The following FER variants were observed in gnomAD, a reference collection of about 807,000 sequenced individuals.
The protein encoded by FER is FER tyrosine kinase.
FER carries 63 observed loss-of-function variants against 111.0 expected under a neutral mutation model. That is an observed-to-expected ratio of 0.57 (90% CI 0.46 to 0.70). The LOEUF (loss-of-function observed/expected upper bound fraction) is 0.70. FER is among the 30% of genes least tolerant of loss of function. The pLI, the probability that FER is intolerant of heterozygous loss-of-function variation, is 0.00. For synonymous variants in FER, 327 were observed against 313.9 expected, an observed-to-expected ratio of 1.04 and a Z score of -0.44; for missense variants, 914 against 954.0, an observed-to-expected ratio of 0.96 and a Z score of 0.55.
chr5:108,901,016 A>G (rs539589214), intron 10 of FER, among the ~76,000 whole-genome samples: 2 of 152,132 alleles, frequency 1.3e-5, no homozygotes, highest in South Asian at 4.1e-4. Context: ...CTTCATCCTT[A>G]TGGATGTAAT....
At chr5:109,082,133 G>A (rs1221704747) in intron 16 of FER, among the ~76,000 whole-genome samples, 1 of 151,938 alleles carries the variant, frequency 6.6e-6, no homozygotes, top group Non-Finnish European at 1.5e-5. Flanking sequence ...TATATTTTTT[G>A]TCTTATTTTT....
chr5:108,960,366 G>A (rs1561681264), intron 13 of FER, among the ~76,000 whole-genome samples: 1 of 152,018 alleles, frequency 6.6e-6, no homozygotes, highest in Admixed American at 6.6e-5. Flanking sequence ...GATTTTAACA[G>A]TTGTTTGTTA....
intron 13 of FER, among the ~76,000 whole-genome samples, chr5:108,967,783 A>AC (rs1760082418): frequency 6.6e-6 from 1 of 150,842 alleles, no homozygotes; most frequent in Non-Finnish European, 1.5e-5. Context: ...AAAAAAAAAA[A>AC]CAATTAGGAA....
At chr5:109,108,034 G>T (rs1410040916) in intron 17 of FER, among the ~76,000 whole-genome samples, 1 of 152,064 alleles carries the variant, frequency 6.6e-6, no homozygotes, top group Non-Finnish European at 1.5e-5. Flanking sequence ...AGAGCTAGAG[G>T]AGCCAATCTC....
At chr5:109,159,479 A>G (rs188970554) in intron 17 of FER, among the ~76,000 whole-genome samples, 278 of 152,306 alleles carry the variant, frequency 1.8e-3, no homozygotes, top group African/African-American at 6.5e-3. Context: ...GCTGATGGCA[A>G]TTTGAAGTAG....
chr5:108,802,044 A>G (rs761328430), intron 3 of FER, among the ~76,000 whole-genome samples: 5 of 152,160 alleles, frequency 3.3e-5, no homozygotes, highest in Non-Finnish European at 5.9e-5. Flanking sequence ...GTCACCTTAA[A>G]ACTTACGAAT....
intron 13 of FER, among the ~76,000 whole-genome samples, chr5:108,987,225 C>A (rs1581524164): frequency 6.6e-6 from 1 of 152,186 alleles, no homozygotes; most frequent in East Asian, 1.9e-4. Flanking sequence ...GTAGGCAGAT[C>A]ACATGAGGTC....
At chr5:109,003,936 T>C (rs543829293) in intron 13 of FER, among the ~76,000 whole-genome samples, 1 of 152,326 alleles carries the variant, frequency 6.6e-6, no homozygotes, top group Non-Finnish European at 1.5e-5. Context: ...GCTGTGATCA[T>C]GCCACTGCAC....
At chr5:108,880,574 A>G (rs147294409) in intron 8 of FER, among the ~76,000 whole-genome samples, 328 of 152,222 alleles carry the variant, frequency 2.2e-3, no homozygotes, top group Non-Finnish European at 3.4e-3. Flanking sequence ...TTTCTTGACA[A>G]TGATCTTGAA....
chr5:108,994,626 G>C (rs962808156), intron 13 of FER, among the ~76,000 whole-genome samples: 1 of 152,118 alleles, frequency 6.6e-6, no homozygotes, highest in Non-Finnish European at 1.5e-5. Context: ...TTTTAAAGTA[G>C]TTTTTTCTAA....
chr5:108,851,721 A>C (rs915389098), intron 5 of FER, among the ~76,000 whole-genome samples: 2 of 152,192 alleles, frequency 1.3e-5, no homozygotes, highest in African/African-American at 4.8e-5. Context: ...GTATCAGAAA[A>C]GATGTTAAAA....
At chr5:109,148,020 T>C (rs1754429357) in intron 17 of FER, among the ~76,000 whole-genome samples, 1 of 152,014 alleles carries the variant, frequency 6.6e-6, no homozygotes, top group African/African-American at 2.4e-5. Context: ...ATGAAGTATT[T>C]GTTTAATAGG....
chr5:108,997,898 C>T (rs760683253), intron 13 of FER, among the ~76,000 whole-genome samples: 27 of 152,072 alleles, frequency 1.8e-4, no homozygotes, highest in Non-Finnish European at 3.1e-4. Context: ...GTAGGCTCCT[C>T]CCAGTTCGAA....
intron 13 of FER, among the ~76,000 whole-genome samples, chr5:109,029,553 G>A (rs1769303104): frequency 6.7e-6 from 1 of 149,260 alleles, no homozygotes; most frequent in Non-Finnish European, 1.5e-5. Context: ...GTGAGCCACT[G>A]TGCCCAGCCT....
chr5:108,777,353 C>T (rs1407176067), intron 2 of FER, among the ~76,000 whole-genome samples: 1 of 152,202 alleles, frequency 6.6e-6, no homozygotes, highest in East Asian at 1.9e-4. Context: ...CTTCCACCCA[C>T]TACATATCCT....
intron 10 of FER, among the ~76,000 whole-genome samples, chr5:108,930,683 G>A (rs1259044250): frequency 7.0e-6 from 1 of 142,456 alleles, no homozygotes; most frequent in Non-Finnish European, 1.5e-5. Context: ...GTGCCATCTG[G>A]GTTCACTGCA....
chr5:108,983,199 A>C (rs534919847), intron 13 of FER, among the ~76,000 whole-genome samples: 2 of 152,228 alleles, frequency 1.3e-5, no homozygotes, highest in South Asian at 4.1e-4. Context: ...ATAATTGAGC[A>C]TCATATTGAA....
At chr5:109,007,701 A>T (rs996483888) in intron 13 of FER, among the ~76,000 whole-genome samples, 1 of 152,226 alleles carries the variant, frequency 6.6e-6, no homozygotes, top group Non-Finnish European at 1.5e-5. Flanking sequence ...TTTAACAATT[A>T]TGAATAAAAC....
intron 1 of FER, among the ~76,000 whole-genome samples, chr5:108,766,044 C>T (rs989383311): frequency 1.4e-4 from 22 of 151,984 alleles, no homozygotes; most frequent in Middle Eastern, 3.2e-3. Flanking sequence ...ATCCTCCCAC[C>T]TTAGCCTCTC....
Sources: allele counts gnomAD v4.1 joint callset (sites outside exome capture counted in the v4.1 genomes callset), GRCh38; gene constraint gnomAD v4.1.1; transcripts MANE v1.5; gene names NCBI Gene and HGNC (gene_info 2026-07-23, HGNC 2026-07-21).